VAV3: variants seen among roughly 807,000 people sequenced by gnomAD.
VAV3 encodes the protein guanine nucleotide exchange factor VAV3.
A neutral mutation model predicts 131.2 loss-of-function variants in VAV3; 94 were observed. The ratio of observed to expected loss-of-function variants is 0.72; its 90% CI spans 0.61 to 0.85. The LOEUF is 0.85. Among genes scored for constraint, VAV3 ranks in the 40% least tolerant of loss-of-function variants. The pLI is 0.00. For synonymous variants in VAV3, 349 were observed against 342.0 expected, an observed-to-expected ratio of 1.02 and a Z score of -0.22; for missense variants, 939 against 1,002.7, an observed-to-expected ratio of 0.94 and a Z score of 0.86.
At chr1:107,623,355 GATT>G (rs1244228361) in intron 20 of VAV3, among the ~76,000 whole-genome samples, 2 of 152,102 alleles carry the variant, frequency 1.3e-5, no homozygotes, top group Non-Finnish European at 2.9e-5. Context: ...ATTGTTTCTT[GATT>G]ATTGTCAATC....
At chr1:107,761,206 G>A (rs773851790) in intron 9 of VAV3, among the ~76,000 whole-genome samples, 2 of 151,948 alleles carry the variant, frequency 1.3e-5, no homozygotes, top group African/African-American at 2.4e-5. Flanking sequence ...TGGCTAACAT[G>A]GTGAAACCCC....
chr1:107,778,236 T>C (rs1665476658), intron 3 of VAV3, among the ~76,000 whole-genome samples: 1 of 152,208 alleles, frequency 6.6e-6, no homozygotes, highest in Non-Finnish European at 1.5e-5. Flanking sequence ...GACTAGGTTT[T>C]TCAAATAAAT....
intron 25 of VAV3, among the ~76,000 whole-genome samples, chr1:107,591,058 T>C (rs1558071255): frequency 6.6e-6 from 1 of 152,284 alleles, no homozygotes; most frequent in East Asian, 1.9e-4. Flanking sequence ...TCCTTAAAAA[T>C]ATGAAGTTCT....
At chr1:107,651,542 A>G (rs1178132649) in intron 19 of VAV3, among the ~76,000 whole-genome samples, 2 of 132,770 alleles carry the variant, frequency 1.5e-5, no homozygotes, top group African/African-American at 5.6e-5. Flanking sequence ...CAAAGTAAGG[A>G]AGGGAGGGAG....
At chr1:107,795,273 A>G (rs537677947) in intron 2 of VAV3, among the ~76,000 whole-genome samples, 17 of 152,382 alleles carry the variant, frequency 1.1e-4, no homozygotes, top group Non-Finnish European at 1.6e-4. Context: ...GATAACTAGC[A>G]TCTAAATAAC....
intron 1 of VAV3, among the ~76,000 whole-genome samples, chr1:107,930,471 G>C (rs945408037): frequency 6.6e-6 from 1 of 152,004 alleles, no homozygotes; most frequent in Non-Finnish European, 1.5e-5. Context: ...GTCATTACTA[G>C]AAATGACATA....
At position 107,957,853 on chromosome 1, in the gene VAV3, T is replaced by C. The variant is rs1173144511; in HGVS notation, c.204+6813A>G. 2.6e-5 allele frequency among the ~76,000 whole-genome samples: 4 copies of C among 151,686 alleles called. No homozygotes were observed. The East Asian group carries it at 5.8e-4, about 22-fold the overall frequency. ...TATACTAGATCAACCCCATTTGTATTGCAAACATGGTATAATTTTCTCCAT... is the reference window on the plus strand; with the variant it reads ...TATACTAGATCAACCCCATTTGTATCGCAAACATGGTATAATTTTCTCCAT... On this transcript the variant is annotated intron_variant, in intron 1 of 26. Transcript: ENST00000370056.
intron 2 of VAV3, among the ~76,000 whole-genome samples, chr1:107,808,461 T>C (rs11185181): frequency 0.31 from 46,911 of 152,002 alleles, 7,859 homozygotes; most frequent in Non-Finnish European, 0.37. Flanking sequence ...TCTGTTGGTA[T>C]ATATTTTTTC....
At chr1:107,857,749 T>C (rs1669537664) in intron 2 of VAV3, among the ~76,000 whole-genome samples, 1 of 152,182 alleles carries the variant, frequency 6.6e-6, no homozygotes, top group Non-Finnish European at 1.5e-5. Context: ...TGTGCCTGAT[T>C]CCTGTCTCAG....
chr1:107,658,738 A>T (rs1037048872), intron 19 of VAV3, among the ~76,000 whole-genome samples: 1 of 152,132 alleles, frequency 6.6e-6, no homozygotes, highest in Non-Finnish European at 1.5e-5. Flanking sequence ...TTGGCTGCAT[A>T]AATGTCTTCT....
At chr1:107,817,001 C>T (rs935049125) in intron 2 of VAV3, among the ~76,000 whole-genome samples, 1 of 152,212 alleles carries the variant, frequency 6.6e-6, no homozygotes, top group East Asian at 1.9e-4. Context: ...CACCCTCACA[C>T]CAAGCACCCA....
At chr1:107,920,307 A>G (rs1216068393) in intron 1 of VAV3, among the ~76,000 whole-genome samples, 21 of 152,238 alleles carry the variant, frequency 1.4e-4, no homozygotes, top group Admixed American at 1.4e-3. Context: ...GATAAAATGC[A>G]TAGGAGTTCA....
chr1:107,741,546 T>C (rs1314584795), intron 15 of VAV3, among the ~76,000 whole-genome samples: 1 of 152,160 alleles, frequency 6.6e-6, no homozygotes, highest in Non-Finnish European at 1.5e-5. Context: ...TGACGCCTGT[T>C]GGCATTACAA....
intron 15 of VAV3, among the ~76,000 whole-genome samples, chr1:107,715,636 ATCTT>A (rs1169142811): frequency 6.6e-6 from 1 of 152,190 alleles, no homozygotes; most frequent in Non-Finnish European, 1.5e-5. Flanking sequence ...AATTTGAACT[ATCTT>A]GCTTTACTTC....
At chr1:107,926,952 G>T (rs1673186837) in intron 1 of VAV3, among the ~76,000 whole-genome samples, 1 of 151,916 alleles carries the variant, frequency 6.6e-6, no homozygotes, top group Non-Finnish European at 1.5e-5. Context: ...ACAACCTACT[G>T]AAACACCAGC....
At chr1:107,742,330 G>A (rs914158888) in intron 15 of VAV3, among the ~76,000 whole-genome samples, 2 of 152,078 alleles carry the variant, frequency 1.3e-5, no homozygotes, top group African/African-American at 2.4e-5. Context: ...GAAAGATCAC[G>A]CATGTGAACA....
In VAV3 at chr1:107,602,479, T is replaced by C; in HGVS notation, c.2138A>G (p.Asn713Ser). ...SGEYAISIKY[N>S]NEAKHIKILT... is the part of the protein sequence containing the mutation. Reference sequence around the variant, plus strand: ...AATCTTGATGTGCTTTGCTTCATTATTGTACCTGTGGGCAATGAATAACTT... The same window carrying C: ...AATCTTGATGTGCTTTGCTTCATTACTGTACCTGTGGGCAATGAATAACTT... The change falls in exon 24 of 27, where the codon AAT (asparagine) becomes AGT (serine). Residue 713 changes from asparagine to serine, a missense_variant. Asn to Ser is a conservative substitution (Grantham distance 46). Coordinates refer to ENST00000370056, the MANE Select transcript of VAV3 (RefSeq NM_006113.5). 2 of 1,570,412 alleles carry C rather than the reference T, an allele frequency of 1.3e-6. No individual in the cohort carries two copies. The highest frequency in any genetic ancestry group is 1.7e-6 in the Non-Finnish European group (2 of 1,166,860).
chr1:107,770,165 C>T (rs915513474), intron 6 of VAV3, among the ~76,000 whole-genome samples: 5 of 152,092 alleles, frequency 3.3e-5, no homozygotes, highest in African/African-American at 1.2e-4. Context: ...GGGGCTCTCT[C>T]GGGAATGATC....
chr1:107,588,390 GAGA>G (rs1245666658), intron 25 of VAV3, among the ~76,000 whole-genome samples: 1 of 152,218 alleles, frequency 6.6e-6, no homozygotes, highest in African/African-American at 2.4e-5. Context: ...CAGGGAAAAG[GAGA>G]AGGACTTTAT....
Sources: allele counts gnomAD v4.1 joint callset (sites outside exome capture counted in the v4.1 genomes callset), GRCh38; gene constraint gnomAD v4.1.1; transcripts MANE v1.5; gene names NCBI Gene and HGNC (gene_info 2026-07-23, HGNC 2026-07-21).